Variants in SHQ1 observed in about 807,000 individuals in gnomAD.
SHQ1 encodes the protein protein SHQ1 homolog.
SHQ1 carries 49 observed loss-of-function variants against 53.8 expected under a neutral mutation model. The ratio of observed to expected loss-of-function variants is 0.91; its 90% CI spans 0.72 to 1.16. SHQ1 has a LOEUF of 1.16. Among genes scored for constraint, SHQ1 ranks in the 50% most tolerant of loss-of-function variants. The pLI is 0.00. For synonymous variants in SHQ1, 243 were observed against 251.0 expected, an observed-to-expected ratio of 0.97 and a Z score of 0.30; for missense variants, 738 against 683.1, an observed-to-expected ratio of 1.08 and a Z score of -0.90.
At chr3:72,738,182 C>G in the SHQ1 span, among the ~76,000 whole-genome samples, 3 of 152,178 alleles carry the variant, frequency 2.0e-5, no homozygotes, top group Non-Finnish European at 2.9e-5. Context: ...CCCCTACTCA[C>G]TGAGTCCTTA....
intron 10 of SHQ1, among the ~76,000 whole-genome samples, chr3:72,752,211 T>G (rs1705399798): frequency 6.6e-6 from 1 of 152,196 alleles, no homozygotes; most frequent in South Asian, 2.1e-4. Flanking sequence ...GCTCACCATA[T>G]GTATATGCTA....
intron 4 of SHQ1, 45 bp from the exon 5 acceptor site, chr3:72,832,526 T>C (rs1256445838): frequency 7.1e-7 from 1 of 1,417,782 alleles, no homozygotes; most frequent in Middle Eastern, 2.3e-4. Context: ...TCTCCTATTT[T>C]TAGCATTTAA....
intron 6 of SHQ1, among the ~76,000 whole-genome samples, chr3:72,819,982 A>C (rs1286307065): frequency 6.6e-6 from 1 of 152,142 alleles, no homozygotes; most frequent in Non-Finnish European, 1.5e-5. Context: ...GGTTTTTGAG[A>C]TGTTCATTAA....
chr3:72,750,170 C>G lies in SHQ1; in HGVS notation c.*114G>C, dbSNP rs1705333333. The G allele has an allele frequency of 1.1e-6, 1 of 898,770 alleles. No individual in the cohort carries two copies. Among genetic ancestry groups the G allele is most frequent in the Non-Finnish European group, 1.7e-6 (1 of 586,364 alleles). The allele number at this position is 898,770 out of a possible 1,614,324, so 55.7% of individuals were successfully genotyped here. ...TCCACAGATGTGGAACACACAAATA[C>G]AGTGGGCTGACTATATACTAAGAAA... On this transcript the variant is annotated 3_prime_UTR_variant, in exon 11 of 11. Coordinates refer to ENST00000325599, the MANE Select transcript of SHQ1 (RefSeq NM_018130.3).
intron 10 of SHQ1, among the ~76,000 whole-genome samples, chr3:72,762,847 GT>G (rs1335138112): frequency 6.6e-6 from 1 of 151,878 alleles, no homozygotes; most frequent in African/African-American, 2.4e-5. Context: ...GCTAATTTTT[GT>G]ATTTTTAGTA....
the SHQ1 span, among the ~76,000 whole-genome samples, chr3:72,738,646 C>T: frequency 2.6e-5 from 4 of 152,186 alleles, no homozygotes; most frequent in African/African-American, 9.6e-5. Flanking sequence ...CTTCCCCCAA[C>T]GAAAGCCACT....
chr3:72,824,555 G>T lies in SHQ1; in HGVS notation c.600-4C>A. ...CTCATCTTCAAAAAAGTCAGCTCTA[G>T]GAAAAAACATTGAAAGAACTTACTA... On this transcript the variant is annotated splice_region_variant and splice_polypyrimidine_tract_variant and intron_variant, in intron 5 of 10. Transcript: ENST00000325599. The T allele has an allele frequency of 6.2e-7, 1 of 1,602,830 alleles. No individual in the cohort carries two copies. Among genetic ancestry groups the T allele is most frequent in the African/African-American group, 1.3e-5 (1 of 74,154 alleles).
chr3:72,825,125 T>C (rs1707609600), intron 5 of SHQ1, among the ~76,000 whole-genome samples: 2 of 152,118 alleles, frequency 1.3e-5, no homozygotes, highest in South Asian at 2.1e-4. Flanking sequence ...AAATAGAAGG[T>C]ACATAGAAGA....
At chr3:72,813,172 G>T (rs931592287) in intron 8 of SHQ1, among the ~76,000 whole-genome samples, 3 of 152,184 alleles carry the variant, frequency 2.0e-5, no homozygotes, top group Non-Finnish European at 2.9e-5. Flanking sequence ...AGATGGCACA[G>T]ATCAAAAATG....
chr3:72,840,759 G>C (rs1045560662), intron 4 of SHQ1, among the ~76,000 whole-genome samples: 1 of 152,082 alleles, frequency 6.6e-6, no homozygotes, highest in Non-Finnish European at 1.5e-5. Context: ...GGAAGTATGA[G>C]AGAGGAGTTC....
chr3:72,804,487 C>T (rs1453654317), intron 9 of SHQ1, among the ~76,000 whole-genome samples: 2 of 145,494 alleles, frequency 1.4e-5, no homozygotes, highest in Non-Finnish European at 3.0e-5. Flanking sequence ...GTGTTCTCAT[C>T]ATAAATACTT....
At chr3:72,763,478 T>C (rs541133810) in intron 10 of SHQ1, among the ~76,000 whole-genome samples, 2 of 152,310 alleles carry the variant, frequency 1.3e-5, no homozygotes, top group African/African-American at 4.8e-5. Context: ...AGAAGGAAGA[T>C]ACTATGGGTT....
At chr3:72,796,897 T>C (rs1035213631) in intron 9 of SHQ1, among the ~76,000 whole-genome samples, 1 of 148,136 alleles carries the variant, frequency 6.8e-6, no homozygotes, top group Non-Finnish European at 1.5e-5. Flanking sequence ...AGAAATTACA[T>C]TGTATTTGCA....
At position 72,848,314 on chromosome 3, in the gene SHQ1, G is replaced by C. The variant is rs752049180; in HGVS notation, c.27C>G (p.Ser9Arg). MLTPAFDL[S>R]QDPDFLTIAI... ...CGATAGTCAGGAAGTCCGGATCCTG[G>C]CTGAGGTCGAACGCCGGGGTCAGCA... Residue 9 changes from serine (S) to arginine (R), a missense_variant, in exon 1 of 11, where the codon AGC (serine) becomes AGG (arginine). Ser to Arg is a moderately radical substitution (Grantham distance 110). Transcript: ENST00000325599. The C allele has an allele frequency of 6.2e-7, 1 of 1,614,158 alleles. No individual in the cohort carries two copies. Among genetic ancestry groups the C allele is most frequent in the South Asian group, 1.1e-5 (1 of 91,084 alleles).
At chr3:72,846,406 C>T (rs891356324) in intron 1 of SHQ1, 3 of 1,119,208 alleles carry the variant, frequency 2.7e-6, no homozygotes, top group East Asian at 2.6e-5. Flanking sequence ...GCGATTCTCT[C>T]ACCTCAAGCT....
chr3:72,815,717 T>C (rs1707291290), intron 7 of SHQ1, among the ~76,000 whole-genome samples: 1 of 152,194 alleles, frequency 6.6e-6, no homozygotes, highest in African/African-American at 2.4e-5. Context: ...TTCTGTCCTT[T>C]TTCCACTAAG....
chr3:72,736,455 C>T, the SHQ1 span, among the ~76,000 whole-genome samples: 1,213 of 151,134 alleles, frequency 8.0e-3, 15 homozygotes, highest in African/African-American at 0.028. Flanking sequence ...GAAAAGACAT[C>T]TCCATAAATT....
intron 10 of SHQ1, among the ~76,000 whole-genome samples, chr3:72,765,336 T>C (rs967059933): frequency 4.0e-5 from 6 of 151,746 alleles, no homozygotes; most frequent in Non-Finnish European, 7.4e-5. Context: ...CCTCTACCTG[T>C]TACTTCCTTC....
At chr3:72,792,867 C>T (rs1385636853) in intron 10 of SHQ1, 49 bp downstream of exon 10, 3 of 1,396,180 alleles carry the variant, frequency 2.1e-6, no homozygotes, top group Non-Finnish European at 1.9e-6. Flanking sequence ...ATAGGTATTT[C>T]AGCAATGTGA....
Sources: allele counts gnomAD v4.1 joint callset (sites outside exome capture counted in the v4.1 genomes callset), GRCh38; gene constraint gnomAD v4.1.1; transcripts MANE v1.5; gene names NCBI Gene and HGNC (gene_info 2026-07-23, HGNC 2026-07-21).